Variants in CDH18 observed in about 807,000 individuals in gnomAD.
CDH18 encodes the protein cadherin 18, also known as cadherin-18.
In CDH18, 31 loss-of-function variants were observed where a neutral mutation model predicts 67.9. That is an observed-to-expected ratio of 0.46 (90% CI 0.34 to 0.62). CDH18 has a LOEUF of 0.62. CDH18 is among the 20% of genes least tolerant of loss of function. The pLI is 0.01. For synonymous variants in CDH18, 362 were observed against 347.2 expected (o/e 1.04, Z -0.48); for missense variants, 890 against 975.5 (o/e 0.91, Z 1.17).
chr5:19,557,783 G>A (rs969495342), intron 8 of CDH18, among the ~76,000 whole-genome samples: 5 of 152,008 alleles, frequency 3.3e-5, no homozygotes, highest in Non-Finnish European at 7.4e-5. Context: ...TTATATCCTA[G>A]AACAAATGGA....
At chr5:20,291,109 G>A (rs1747071927) in intron 1 of CDH18, among the ~76,000 whole-genome samples, 1 of 152,118 alleles carries the variant, frequency 6.6e-6, no homozygotes, top group Admixed American at 6.5e-5. Flanking sequence ...AATAAAATAT[G>A]TAATATAGAA....
At chr5:20,401,573 CT>C (rs1562035077) in intron 1 of CDH18, among the ~76,000 whole-genome samples, 1 of 152,152 alleles carries the variant, frequency 6.6e-6, no homozygotes, top group African/African-American at 2.4e-5. Context: ...CCACATTCCT[CT>C]TTTCTTCTTT....
intron 2 of CDH18, among the ~76,000 whole-genome samples, chr5:19,950,411 C>T (rs73061505): frequency 0.14 from 20,574 of 151,920 alleles, 4,047 homozygotes; most frequent in African/African-American, 0.44. Context: ...AATTGTACAT[C>T]AGGTAGGTGT....
intron 2 of CDH18, among the ~76,000 whole-genome samples, chr5:19,944,547 CT>C (rs1346454959): frequency 6.6e-6 from 1 of 152,094 alleles, no homozygotes; most frequent in Non-Finnish European, 1.5e-5. Context: ...ATGCATTGTA[CT>C]TTATGATAGT....
intron 7 of CDH18, among the ~76,000 whole-genome samples, chr5:19,582,202 T>C (rs561849334): frequency 2.0e-5 from 3 of 151,962 alleles, no homozygotes; most frequent in Non-Finnish European, 4.4e-5. Context: ...CTATGTGTTT[T>C]GTGCATATGT....
intron 1 of CDH18, among the ~76,000 whole-genome samples, chr5:20,404,523 G>C (rs1746055000): frequency 6.6e-6 from 1 of 152,006 alleles, no homozygotes; most frequent in Non-Finnish European, 1.5e-5. Context: ...GTGTCTCAGG[G>C]CATAAGGAGG....
chr5:19,803,038 A>T (rs886479574), intron 3 of CDH18, among the ~76,000 whole-genome samples: 1 of 152,184 alleles, frequency 6.6e-6, no homozygotes, highest in Non-Finnish European at 1.5e-5. Flanking sequence ...AATCCATCCA[A>T]AAAGTCACTT....
At chr5:19,977,125 T>C (rs954015099) in intron 2 of CDH18, among the ~76,000 whole-genome samples, 5 of 148,614 alleles carry the variant, frequency 3.4e-5, no homozygotes, top group African/African-American at 1.3e-4. Context: ...TAAACACCTG[T>C]CACTTAAGAA....
At chr5:19,585,052 A>G (rs1743944971) in intron 7 of CDH18, among the ~76,000 whole-genome samples, 2 of 152,022 alleles carry the variant, frequency 1.3e-5, no homozygotes, top group Admixed American at 1.3e-4. Flanking sequence ...TTAAATGTCA[A>G]GAATATTTTT....
intron 2 of CDH18, among the ~76,000 whole-genome samples, chr5:19,914,470 T>G (rs1349365890): frequency 6.6e-6 from 1 of 152,124 alleles, no homozygotes; most frequent in African/African-American, 2.4e-5. Context: ...TATACACACA[T>G]AAGTGTGTGG....
rs79938034 is a variant in CDH18 at position 20,543,321 on chromosome 5, T to G, written c.-580+32141A>C. ...TTATATATTTTTCTATTTTTTCTCA[T>G]AATTATAACAGCAGTTTCTCAATTC... is the stretch of plus-strand genomic sequence containing the variant. On this transcript the variant is annotated intron_variant, in intron 1 of 14. Coordinates refer to the CDH18 transcript ENST00000507958. Among the ~76,000 whole-genome samples, 743 of 152,202 alleles carry G rather than the reference T, an allele frequency of 4.9e-3. 4 individuals carry two copies. The highest frequency in any genetic ancestry group is 0.024 in the South Asian group (115 of 4,822).
At chr5:19,767,539 TG>T (rs1773246232) in intron 3 of CDH18, among the ~76,000 whole-genome samples, 1 of 152,074 alleles carries the variant, frequency 6.6e-6, no homozygotes. Context: ...ATAAATAAAG[TG>T]ATGCATAACT....
At chr5:20,563,744 C>A (rs1758347126) in intron 1 of CDH18, among the ~76,000 whole-genome samples, 1 of 152,060 alleles carries the variant, frequency 6.6e-6, no homozygotes, top group Non-Finnish European at 1.5e-5. Flanking sequence ...GCACAAAATA[C>A]TAACTGATAT....
intron 1 of CDH18, among the ~76,000 whole-genome samples, chr5:20,403,651 A>G (rs747985894): frequency 1.3e-5 from 2 of 152,204 alleles, no homozygotes; most frequent in African/African-American, 4.8e-5. Context: ...TTATTAAACC[A>G]TGCTGTAAAA....
At chr5:20,240,916 A>G (rs748539875) in intron 2 of CDH18, among the ~76,000 whole-genome samples, 1 of 152,244 alleles carries the variant, frequency 6.6e-6, no homozygotes, top group Non-Finnish European at 1.5e-5. Context: ...TGATATAGAA[A>G]AAACATGAAT....
chr5:20,445,525 A>G (rs1487700997), intron 1 of CDH18, among the ~76,000 whole-genome samples: 3 of 152,242 alleles, frequency 2.0e-5, no homozygotes, highest in Non-Finnish European at 4.4e-5. Flanking sequence ...TAAAAAACAA[A>G]AGAGAGAGGT....
At chr5:19,871,196 A>G (rs975750694) in intron 2 of CDH18, among the ~76,000 whole-genome samples, 1 of 152,170 alleles carries the variant, frequency 6.6e-6, no homozygotes, top group Non-Finnish European at 1.5e-5. Flanking sequence ...TTTTAAAAAA[A>G]TTCACTAATA....
chr5:19,948,275 G>A lies in CDH18; in HGVS notation c.-257+32785C>T, dbSNP rs77607048. Reference sequence around the variant, plus strand: ...ATTTTACTCAGGAGTATTTATCCCTGAGAGATGAAAATTTTTGTTATTGTA... The same window carrying A: ...ATTTTACTCAGGAGTATTTATCCCTAAGAGATGAAAATTTTTGTTATTGTA... On this transcript the variant is annotated intron_variant, in intron 2 of 12. Coordinates refer to ENST00000382275, the MANE Select transcript of CDH18 (RefSeq NM_004934.5). Among the ~76,000 whole-genome samples, 279 of 152,166 alleles carry A rather than the reference G, an allele frequency of 1.8e-3. 4 individuals carry two copies. In the East Asian group the frequency reaches 0.048, roughly 26 times the overall value.
chr5:20,270,695 A>C (rs1007555703), intron 1 of CDH18, among the ~76,000 whole-genome samples: 1 of 152,130 alleles, frequency 6.6e-6, no homozygotes, highest in African/African-American at 2.4e-5. Flanking sequence ...TATGTTCATT[A>C]CAGCCCTATT....
Sources: gnomAD v4.1 joint callset for allele counts (sites outside exome capture counted in the v4.1 genomes callset) on GRCh38, gnomAD v4.1.1 for gene constraint, MANE v1.5 for transcripts, NCBI Gene and HGNC (gene_info 2026-07-23, HGNC 2026-07-21) for gene names.